EDAR: variants seen among roughly 807,000 people sequenced by gnomAD.
The protein encoded by EDAR is ectodysplasin A receptor, also known as tumor necrosis factor receptor superfamily member EDAR.
A neutral mutation model predicts 51.3 loss-of-function variants in EDAR; 38 were observed. The ratio of observed to expected loss-of-function variants is 0.74; its 90% CI spans 0.57 to 0.97. The LOEUF is 0.97. EDAR is among the 50% of genes least tolerant of loss of function. The pLI, the probability that EDAR is intolerant of heterozygous loss-of-function variation, is 0.00. For missense variants in EDAR, 528 were observed against 595.0 expected (o/e 0.89, Z 1.17); for synonymous variants, 227 against 242.1 (o/e 0.94, Z 0.58).
chr2:108,967,981 C>G (rs372871980), intron 1 of EDAR, among the ~76,000 whole-genome samples: 2 of 152,160 alleles, frequency 1.3e-5, no homozygotes, highest in African/African-American at 4.8e-5. Flanking sequence ...AGCTCATGCA[C>G]ACAGAACAGG....
intron 4 of EDAR, among the ~76,000 whole-genome samples, chr2:108,925,986 T>G (rs1574383193): frequency 6.6e-6 from 1 of 152,186 alleles, no homozygotes; most frequent in Middle Eastern, 3.4e-3. Flanking sequence ...ACCCAGTGAG[T>G]GTTCAGTGCC....
At chr2:108,973,112 C>T (rs1698264537) in intron 1 of EDAR, among the ~76,000 whole-genome samples, 1 of 152,154 alleles carries the variant, frequency 6.6e-6, no homozygotes, top group African/African-American at 2.4e-5. Context: ...TCAGCCTCCC[C>T]ATTAGCTGGG....
chr2:108,911,233 C>T (rs548543961), intron 6 of EDAR, among the ~76,000 whole-genome samples, 161 bp from the exon 7 acceptor site: 21 of 152,186 alleles, frequency 1.4e-4, no homozygotes, highest in Non-Finnish European at 1.2e-4. Flanking sequence ...AAATCCTCCG[C>T]GCTGGTTTTG....
At chr2:108,906,022 T>C (rs1259245198) in intron 11 of EDAR, among the ~76,000 whole-genome samples, 1 of 152,164 alleles carries the variant, frequency 6.6e-6, no homozygotes, top group Admixed American at 6.5e-5. Context: ...CCGTGGCTGC[T>C]GCTCACCGAC....
intron 1 of EDAR, among the ~76,000 whole-genome samples, chr2:108,934,582 T>C (rs1316640495): frequency 1.3e-5 from 2 of 152,204 alleles, no homozygotes; most frequent in Non-Finnish European, 2.9e-5. Flanking sequence ...TTTGGGGTTC[T>C]GGTTCTGGGA....
chr2:108,974,541 C>T (rs998120830), intron 1 of EDAR, among the ~76,000 whole-genome samples: 5 of 151,068 alleles, frequency 3.3e-5, no homozygotes, highest in Non-Finnish European at 5.9e-5. Flanking sequence ...ACCAGCCTGA[C>T]CAACATGATG....
intron 1 of EDAR, among the ~76,000 whole-genome samples, chr2:108,939,324 C>G (rs1697543409): frequency 6.6e-6 from 1 of 152,068 alleles, no homozygotes. Context: ...GTAGCTGGGA[C>G]TACAGGCGTG....
intron 5 of EDAR, among the ~76,000 whole-genome samples, chr2:108,914,939 G>GT (rs1257038371): frequency 1.3e-5 from 2 of 152,218 alleles, no homozygotes; most frequent in African/African-American, 4.8e-5. Context: ...TTGAGACAAG[G>GT]TCTCACTCTG....
chr2:108,906,434 C>T, intron 10 of EDAR, 66 bp from the exon 11 acceptor site: 15 of 1,566,312 alleles, frequency 9.6e-6, no homozygotes, highest in Non-Finnish European at 1.1e-5. Context: ...GGCAAATCCT[C>T]CATGTCAGCA....
intron 1 of EDAR, among the ~76,000 whole-genome samples, chr2:108,979,485 A>T (rs1220767437): frequency 2.0e-5 from 3 of 151,590 alleles, no homozygotes; most frequent in South Asian, 4.2e-4. Flanking sequence ...ACACACACAC[A>T]CACACACACA....
chr2:108,941,724 A>C (rs912510086), intron 1 of EDAR, among the ~76,000 whole-genome samples: 1 of 152,140 alleles, frequency 6.6e-6, no homozygotes, highest in Admixed American at 6.5e-5. Context: ...CCCTCAACCC[A>C]AGCCTTCTCT....
chr2:108,899,196 G>C (rs567014881), intron 11 of EDAR, among the ~76,000 whole-genome samples: 1 of 152,338 alleles, frequency 6.6e-6, no homozygotes, highest in South Asian at 2.1e-4. Context: ...CTGACCTAGA[G>C]AGGGAAAAGA....
At chr2:108,913,164 TGG>T (rs1321813818) in intron 5 of EDAR, among the ~76,000 whole-genome samples, 68 of 152,276 alleles carry the variant, frequency 4.5e-4, no homozygotes, top group Admixed American at 2.5e-3. Flanking sequence ...TTAGCCAGGA[TGG>T]GCTCGATCTC....
intron 2 of EDAR, 70 bp downstream of exon 2, chr2:108,930,894 G>A (rs1218494469): frequency 6.5e-7 from 1 of 1,542,348 alleles, no homozygotes; most frequent in Non-Finnish European, 9.0e-7. Context: ...TACAGCTGAA[G>A]AGGCCAAGAA....
rs1365651379 is a variant in EDAR, at chr2:108,912,570, G to A, written c.529+108C>T. On this transcript the variant is annotated intron_variant, in intron 6 of 11. Transcript: ENST00000258443. Reference sequence around the variant, plus strand: ...TTACATTAGGGAGGTGAGGCCAGGTGGGGAAGCGCACCATAATCATCACTC... The same window carrying A: ...TTACATTAGGGAGGTGAGGCCAGGTAGGGAAGCGCACCATAATCATCACTC... The A allele has an allele frequency of 2.5e-5, 27 of 1,064,876 alleles. No individual in the cohort carries two copies. The East Asian group carries it at 6.7e-4, about 26-fold the overall frequency. The allele number at this position is 1,064,876 out of a possible 1,614,324, so 66.0% of individuals were successfully genotyped here. A position where few individuals can be genotyped will look rare whatever the true frequency, so the allele number is the denominator to read the frequency against.
rs561795296 is a variant in EDAR, at chr2:108,904,263, T to A, written c.1024+2045A>T. On this transcript the variant is annotated intron_variant, in intron 11 of 11. Transcript: ENST00000258443. The stretch of plus-strand genomic sequence containing the variant: ...TGCAAATTGAGACCACAATAAGATA[T>A]CATAACACACTTCTCAGAATAGCTA... Among the ~76,000 whole-genome samples the A allele has an allele frequency of 4.7e-4, 71 of 152,130 alleles. 1 individual carries two copies. The highest frequency in any genetic ancestry group is 1.6e-3 in the African/African-American group (68 of 41,514).
chr2:108,929,458 A>C, intron 3 of EDAR, 79 bp from the exon 4 acceptor site: 1 of 1,459,726 alleles, frequency 6.9e-7, no homozygotes. Flanking sequence ...GTCCTTGGGC[A>C]GTGACGTGCC....
intron 1 of EDAR, among the ~76,000 whole-genome samples, chr2:108,943,262 T>C (rs888097671): frequency 6.6e-6 from 1 of 152,212 alleles, no homozygotes; most frequent in African/African-American, 2.4e-5. Context: ...CTAGAGCACC[T>C]GAGACGGGTC....
At chr2:108,934,034 G>C (rs562367069) in intron 1 of EDAR, among the ~76,000 whole-genome samples, 2 of 152,246 alleles carry the variant, frequency 1.3e-5, no homozygotes, top group South Asian at 2.1e-4. Flanking sequence ...GCTGAGCCTC[G>C]GAGGGCTTCC....
Sources: allele counts gnomAD v4.1 joint callset (sites outside exome capture counted in the v4.1 genomes callset), GRCh38; gene constraint gnomAD v4.1.1; transcripts MANE v1.5; gene names NCBI Gene and HGNC (gene_info 2026-07-23, HGNC 2026-07-21).